Variants in CRHR2 observed in about 807,000 individuals in gnomAD.
CRHR2 encodes corticotropin releasing hormone receptor 2, also known as corticotropin-releasing hormone receptor 2.
CRHR2 carries 53 observed loss-of-function variants against 57.9 expected under a neutral mutation model. That is an observed-to-expected ratio of 0.92 (90% CI 0.73 to 1.15). The LOEUF (loss-of-function observed/expected upper bound fraction) is 1.15, where lower values mean the gene tolerates loss of function less well. Among genes scored for constraint, CRHR2 ranks in the 50% most tolerant of loss-of-function variants. The pLI is 0.00. For synonymous variants in CRHR2, 213 were observed against 220.9 expected, an observed-to-expected ratio of 0.96 and a Z score of 0.32; for missense variants, 532 against 542.6, an observed-to-expected ratio of 0.98 and a Z score of 0.19.
chr7:30,671,841 ATAATG>A (rs764533486), intron 2 of CRHR2, among the ~76,000 whole-genome samples: 1 of 143,776 alleles, frequency 7.0e-6, no homozygotes, highest in Admixed American at 7.0e-5. Flanking sequence ...GATGATGATG[ATAATG>A]ATGATGATGA....
intron 11 of CRHR2, among the ~76,000 whole-genome samples, chr7:30,654,170 A>G (rs111730737): frequency 0.012 from 1,783 of 152,298 alleles, 9 homozygotes; most frequent in Admixed American, 0.017. Flanking sequence ...GGTGCCATTT[A>G]AGCTTCATTT....
chr7:30,686,760 A>C (rs2128150075), upstream of CRHR2: 1 of 343,076 alleles, frequency 2.9e-6, no homozygotes, highest in South Asian at 2.9e-5. Context: ...AAATAGAAAT[A>C]ATCTATTTAA....
At chr7:30,660,090 G>A (rs541566694) in intron 8 of CRHR2, among the ~76,000 whole-genome samples, 1 of 152,346 alleles carries the variant, frequency 6.6e-6, no homozygotes, top group South Asian at 2.1e-4. Flanking sequence ...GCAAAGGGCA[G>A]GGAGCTGGAC....
chr7:30,695,397 C>T (rs1236232750), intron 1 of CRHR2, among the ~76,000 whole-genome samples: 3 of 152,108 alleles, frequency 2.0e-5, no homozygotes, highest in African/African-American at 7.2e-5. Context: ...TTCCCAGTTC[C>T]CCTCCAGCTC....
At chr7:30,683,138 G>A (rs992941753), upstream of CRHR2, among the ~76,000 whole-genome samples, 3 of 152,206 alleles carry the variant, frequency 2.0e-5, no homozygotes, top group African/African-American at 7.2e-5. Context: ...ATAACATCAG[G>A]TCTCCTGCTT....
intron 7 of CRHR2, among the ~76,000 whole-genome samples, chr7:30,661,747 C>T (rs981897720): frequency 4.0e-5 from 6 of 151,858 alleles, no homozygotes; most frequent in African/African-American, 1.5e-4. Context: ...GAGACTGAGA[C>T]TTCAGAAAAA....
chr7:30,692,999 C>G (rs772660575), intron 1 of CRHR2, among the ~76,000 whole-genome samples: 1 of 152,156 alleles, frequency 6.6e-6, no homozygotes, highest in Admixed American at 6.5e-5. Context: ...CAGCCCCAGA[C>G]TGGGTGGCTG....
At chr7:30,699,271 G>T (rs1785119428) in intron 1 of CRHR2, among the ~76,000 whole-genome samples, 2 of 152,142 alleles carry the variant, frequency 1.3e-5, no homozygotes. Context: ...TCCATCGGTG[G>T]CCCCTGACTC....
Position 30,655,691 on chromosome 7 carries a change from C to G in CRHR2, c.942G>C (p.Val314=). The change falls in exon 10 of 12, where the codon GTG becomes GTC. Residue 314 remains valine, a synonymous_variant. Transcript: ENST00000471646. ...AGGTGATGCCCAGGAGGGGCAGGAG[C>G]ACCAGGGTGGCCTTCACTGCCTTCC... is the stretch of plus-strand genomic sequence containing the variant. ...QYRKAVKATL[V]LLPLLGITYM... 6.2e-7 allele frequency: 1 copy of G among 1,613,988 alleles called. No homozygotes were observed. The highest frequency in any genetic ancestry group is 8.5e-7 in the Non-Finnish European group (1 of 1,179,882).
upstream of CRHR2, chr7:30,686,512 T>A: frequency 6.6e-7 from 1 of 1,508,656 alleles, no homozygotes; most frequent in South Asian, 1.2e-5. Flanking sequence ...TATCTTTGAA[T>A]CCATTCGGAT....
chr7:30,695,693 T>G (rs1785043388), intron 1 of CRHR2, among the ~76,000 whole-genome samples: 1 of 152,228 alleles, frequency 6.6e-6, no homozygotes, highest in South Asian at 2.1e-4. Flanking sequence ...TCACATCTCT[T>G]CTGATTTGTT....
In CRHR2 at chr7:30,665,544, A is replaced by T. The variant is rs749852947; in HGVS notation, c.411T>A (p.Leu137=). ...GGCAGACTCACCGCAGGGCCAGGAA[A>T]AGCAGGAAGGCGGCCACCAGGGCTG... ...SVAALVAAFL[L]FLALRSIRCL... is the part of the protein sequence containing the mutation. The change falls in exon 4 of 12, where the codon CTT becomes CTA. Residue 137 remains leucine, a synonymous_variant. Coordinates refer to ENST00000471646, the MANE Select transcript of CRHR2 (RefSeq NM_001883.5). This position sits in a 1 kb window ranked among gnomAD's most constrained non-coding sequence, Gnocchi z 4.5. 5 of 1,560,396 alleles carry T rather than the reference A, an allele frequency of 3.2e-6. No homozygotes were observed. The East Asian group carries it at 1.2e-4, about 38-fold the overall frequency.
intron 7 of CRHR2, among the ~76,000 whole-genome samples, chr7:30,661,231 T>C (rs571812830): frequency 9.2e-5 from 14 of 152,258 alleles, no homozygotes; most frequent in African/African-American, 3.1e-4. Flanking sequence ...TCAGGGGAAA[T>C]GCTTTAGGGT....
chr7:30,654,281 G>C (rs947797621), intron 11 of CRHR2, among the ~76,000 whole-genome samples: 1 of 152,152 alleles, frequency 6.6e-6, no homozygotes, highest in African/African-American at 2.4e-5. Context: ...TCCCTTGTTT[G>C]TTTGCCTTAC....
intron 2 of CRHR2, among the ~76,000 whole-genome samples, chr7:30,669,050 G>A (rs1784276614): frequency 6.6e-6 from 1 of 152,342 alleles, no homozygotes. Context: ...AGTATGTAAG[G>A]AGGGTAAGTT....
In CRHR2 at chr7:30,665,610, G is replaced by A. The variant is rs149325540; in HGVS notation, c.345C>T (p.Ile115=). 5.0e-5 allele frequency: 78 copies of A among 1,561,012 alleles called. 1 individual carries two copies. The African/African-American group carries it at 9.7e-4, about 19-fold the overall frequency. The change falls in exon 4 of 12, where the codon ATC becomes ATT. Residue 115 remains isoleucine (I), a synonymous_variant. Transcript: ENST00000471646. The surrounding 1 kb of genome is among the most constrained non-coding windows in gnomAD (Gnocchi z 4.5). Reference sequence around the variant, plus strand: ...GGCCCAGGTAGTTGACGACAAGGGCGATGCGGTAGTGCAGGTCATACTTCC... The same window carrying A: ...GGCCCAGGTAGTTGACGACAAGGGCAATGCGGTAGTGCAGGTCATACTTCC... ...KQRKYDLHYR[I]ALVVNYLGHC... is the part of the protein sequence containing the mutation.
chr7:30,695,669 A>G (rs966339696), intron 1 of CRHR2, among the ~76,000 whole-genome samples: 1 of 152,222 alleles, frequency 6.6e-6, no homozygotes, highest in African/African-American at 2.4e-5. Context: ...TCTAATGTCC[A>G]GTTTGCATAA....
intron 8 of CRHR2, 37 bp downstream of exon 8, chr7:30,660,536 G>A (rs1350396979): frequency 1.3e-6 from 2 of 1,547,654 alleles, no homozygotes; most frequent in Non-Finnish European, 8.7e-7. Context: ...TGTCCTCTTG[G>A]CACCCAGCCC....
chr7:30,682,145 C>T (rs1030489397), intron 1 of CRHR2, 33 bp downstream of exon 1: 9 of 1,536,332 alleles, frequency 5.9e-6, no homozygotes, highest in Non-Finnish European at 7.8e-6. Context: ...AGAAGGAGCC[C>T]GCGCAGCCTC....
Sources: gnomAD v4.1 joint callset for allele counts (sites outside exome capture counted in the v4.1 genomes callset) on GRCh38, gnomAD v4.1.1 for gene constraint, Gnocchi (gnomAD v3.1) non-coding constraint, MANE v1.5 for transcripts, NCBI Gene and HGNC (gene_info 2026-07-23, HGNC 2026-07-21) for gene names.